Variants in TSPEAR observed in about 807,000 individuals in gnomAD.
TSPEAR encodes thrombospondin-type laminin G domain and EAR repeat-containing protein.
A neutral mutation model predicts 71.6 loss-of-function variants in TSPEAR; 69 were observed. The ratio of observed to expected loss-of-function variants is 0.96; its 90% CI spans 0.79 to 1.18. TSPEAR has a LOEUF of 1.18. Ranked by LOEUF, TSPEAR falls within the 50% of genes most tolerant of loss-of-function variation. The pLI, the probability that TSPEAR is intolerant of heterozygous loss-of-function variation, is 0.00. For synonymous variants in TSPEAR, 402 were observed against 387.2 expected (o/e 1.04, Z -0.45); for missense variants, 971 against 894.9 (o/e 1.09, Z -1.09).
chr21:44,604,651 T>A (rs587757035), intron 1 of TSPEAR, among the ~76,000 whole-genome samples: 1 of 152,360 alleles, frequency 6.6e-6, no homozygotes, highest in East Asian at 1.9e-4. Flanking sequence ...AGAGTGGGCA[T>A]CCTTGCCTTG....
chr21:44,525,290 A>ATCAGTCATCAGGCAG (rs2052831463), intron 8 of TSPEAR, among the ~76,000 whole-genome samples: 1 of 151,974 alleles, frequency 6.6e-6, no homozygotes, highest in African/African-American at 2.4e-5. Flanking sequence ...AATTTAGTCA[A>ATCAGTCATCAGGCAG]TCAGTCATCA....
At chr21:44,531,227 C>T (rs1159192971) in intron 3 of TSPEAR, 94 bp from the exon 4 acceptor site, 6 of 969,450 alleles carry the variant, frequency 6.2e-6, no homozygotes, top group Admixed American at 2.1e-5. Context: ...CACTAAGCAG[C>T]GTGCATCTGT....
rs1988209484 is a variant in TSPEAR at position 44,711,328 on chromosome 21, GCACCGCGGC to G, written c.82+96_82+104del. On this transcript the variant is annotated intron_variant, in intron 1 of 11. Coordinates refer to ENST00000323084, the MANE Select transcript of TSPEAR (RefSeq NM_144991.3). The surrounding 1 kb of genome is among the most constrained non-coding windows in gnomAD (Gnocchi z 4.5). Reference sequence around the variant, plus strand: ...GCCAGTCCTGCCAAAGCGTCCTCGGGCACCGCGGCTTGAATCAGTGTTAGAAAGTGGCAT... The same window carrying G: ...GCCAGTCCTGCCAAAGCGTCCTCGGGTTGAATCAGTGTTAGAAAGTGGCAT... 3.8e-6 allele frequency: 4 copies of G among 1,063,016 alleles called. No individual in the cohort carries two copies. The highest frequency in any genetic ancestry group is 4.1e-6 in the Non-Finnish European group (3 of 727,984). The allele number at this position is 1,063,016 out of a possible 1,614,324, so 65.8% of individuals were successfully genotyped here.
intron 1 of TSPEAR, chr21:44,677,166 G>T: frequency 2.8e-6 from 2 of 715,538 alleles, no homozygotes; most frequent in Non-Finnish European, 5.2e-6. Flanking sequence ...ATGAGGCTTG[G>T]CCCCAGCAAC....
chr21:44,650,164 C>T (rs1020445020), intron 1 of TSPEAR, among the ~76,000 whole-genome samples: 4 of 151,692 alleles, frequency 2.6e-5, no homozygotes, highest in Admixed American at 2.0e-4. Context: ...TGCAGTGAGC[C>T]GTGATCGCGC....
chr21:44,558,774 T>C (rs1307255540), intron 2 of TSPEAR: 71 of 1,544,740 alleles, frequency 4.6e-5, no homozygotes, highest in Non-Finnish European at 6.0e-5. Flanking sequence ...TGGGAGTGAG[T>C]GAGGGAGTGA....
intron 1 of TSPEAR, chr21:44,574,565 T>TTGCTGTGTGCCTGTC: frequency 1.3e-6 from 2 of 1,591,984 alleles, no homozygotes; most frequent in Non-Finnish European, 1.7e-6. Context: ...GCCAGCAGGC[T>TTGCTGTGTGCCTGTC]TGCTGTGTGC....
intron 1 of TSPEAR, among the ~76,000 whole-genome samples, chr21:44,634,139 C>T (rs2146213100): frequency 6.6e-6 from 1 of 152,242 alleles, no homozygotes; most frequent in Non-Finnish European, 1.5e-5. Flanking sequence ...GTCCCAGCTA[C>T]CTGGGAAACT....
chr21:44,507,513 A>G (rs2052231239), intron 10 of TSPEAR, among the ~76,000 whole-genome samples: 1 of 152,168 alleles, frequency 6.6e-6, no homozygotes, highest in Non-Finnish European at 1.5e-5. Flanking sequence ...ATTATTAAAC[A>G]TTACCTTAAT....
chr21:44,685,893 C>T (rs1232844545), intron 1 of TSPEAR, among the ~76,000 whole-genome samples: 2 of 152,162 alleles, frequency 1.3e-5, no homozygotes, highest in African/African-American at 2.4e-5. Context: ...TCAGCCACCC[C>T]GAATGCTGGC....
At chr21:44,539,118 A>G (rs2145999977) in intron 2 of TSPEAR, 1 of 1,084,632 alleles carries the variant, frequency 9.2e-7, no homozygotes, top group South Asian at 1.7e-5. Flanking sequence ...GCTGGAAGGC[A>G]AGAGCTGGGG....
intron 1 of TSPEAR, chr21:44,627,704 G>A (rs1202578734): frequency 1.3e-6 from 2 of 1,598,584 alleles, no homozygotes; most frequent in African/African-American, 1.3e-5. Flanking sequence ...TCCTCCCCCT[G>A]CCAGCAGTCC....
At chr21:44,670,262 G>T (rs879976919) in intron 1 of TSPEAR, among the ~76,000 whole-genome samples, 1 of 152,086 alleles carries the variant, frequency 6.6e-6, no homozygotes, top group South Asian at 2.1e-4. Flanking sequence ...TAGGTGGGGG[G>T]GTTGTTATAA....
intron 8 of TSPEAR, among the ~76,000 whole-genome samples, chr21:44,524,362 G>C (rs1434323909): frequency 6.6e-6 from 1 of 152,086 alleles, no homozygotes; most frequent in Non-Finnish European, 1.5e-5. Flanking sequence ...TAGCCAGTCA[G>C]GTAGCTAGTC....
intron 1 of TSPEAR, among the ~76,000 whole-genome samples, chr21:44,570,921 G>A (rs782807635): frequency 1.8e-4 from 27 of 152,202 alleles, no homozygotes; most frequent in East Asian, 3.9e-4. Context: ...CTTGATAGGC[G>A]CAAATACCAG....
At chr21:44,583,889 AGCAAATTTCAGTGTTACT>A (rs1388149557) in intron 1 of TSPEAR, among the ~76,000 whole-genome samples, 1 of 152,196 alleles carries the variant, frequency 6.6e-6, no homozygotes, top group Non-Finnish European at 1.5e-5. Context: ...GGACTCTCTT[AGCAAATTTCAGTGTTACT>A]GCGTCACATT....
intron 1 of TSPEAR, chr21:44,592,219 C>T (rs587774227): frequency 6.2e-7 from 1 of 1,603,706 alleles, no homozygotes; most frequent in South Asian, 1.1e-5. Flanking sequence ...CTGCTGGCAG[C>T]ACGAGGGCGT....
At chr21:44,682,273 T>C in intron 1 of TSPEAR, 1 of 904,372 alleles carries the variant, frequency 1.1e-6, no homozygotes, top group Non-Finnish European at 1.7e-6. Flanking sequence ...CAAGGCTGTT[T>C]CCTGGAACTC....
chr21:44,528,364 A>T (rs2052898844), intron 6 of TSPEAR, 88 bp downstream of exon 6: 1 of 1,557,138 alleles, frequency 6.4e-7, no homozygotes. Context: ...GAGGTGGCTG[A>T]GGTGCCCCCT....
Sources: gnomAD v4.1 joint callset for allele counts (sites outside exome capture counted in the v4.1 genomes callset) on GRCh38, gnomAD v4.1.1 for gene constraint, Gnocchi (gnomAD v3.1) non-coding constraint, MANE v1.5 for transcripts, NCBI Gene and HGNC (gene_info 2026-07-23, HGNC 2026-07-21) for gene names.